SGO2: variants seen among roughly 807,000 people sequenced by gnomAD.
SGO2 encodes the protein shugoshin-like 2.
SGO2 carries 68 observed loss-of-function variants against 99.5 expected under a neutral mutation model. The observed-to-expected ratio is 0.68, with a 90% CI of 0.56 to 0.84. SGO2 has a LOEUF of 0.84. Among genes scored for constraint, SGO2 ranks in the 40% least tolerant of loss-of-function variants. The probability of loss-of-function intolerance (pLI) is 0.00; values close to 1 mark genes in which losing one functional copy is unlikely to be tolerated. For synonymous variants in SGO2, 457 were observed against 487.1 expected (o/e 0.94, Z 0.81); for missense variants, 1,350 against 1,436.7 (o/e 0.94, Z 0.97).
chr2:200,542,622 G>A lies in SGO2; in HGVS notation c.431G>A (p.Arg144Gln), dbSNP rs780168754. ...CTACTGTCAGCTAGCAAGAAGAAAC[G>A]AATTAGTAAACAGTGCAAGTTGATG... ...SFLLSASKKK[R>Q]ISKQCKLMRL... Residue 144 changes from arginine (R) to glutamine (Q), a missense_variant, in exon 5 of 9, where the codon CGA (arginine) becomes CAA (glutamine). Arg to Gln is a conservative substitution (Grantham distance 43). Transcript: ENST00000357799. 10 of 1,612,656 alleles carry A rather than the reference G, an allele frequency of 6.2e-6. No individual in the cohort carries two copies. In the Admixed American group the frequency reaches 1.2e-4, roughly 19 times the overall value.
Position 200,570,998 on chromosome 2 carries a change from A to C in SGO2, c.704-52A>C, listed in dbSNP as rs1475407706. 2 of 1,479,850 alleles carry C rather than the reference A, an allele frequency of 1.4e-6. No homozygotes were observed. The highest frequency in any genetic ancestry group is 1.4e-5 in the African/African-American group (1 of 70,674). The allele number at this position is 1,479,850 out of a possible 1,614,324, so 91.7% of individuals were successfully genotyped here. A position where few individuals can be genotyped will look rare whatever the true frequency, so the allele number is the denominator to read the frequency against. ...TTTCGAATCTAATTTGTTTAAGGTA[A>C]CTTATTTATTTCATTACTTGTTTCT... On this transcript the variant is annotated intron_variant, in intron 6 of 8. Transcript: ENST00000357799. The surrounding 1 kb of genome is among the most constrained non-coding windows in gnomAD (Gnocchi z 4.4).
rs375565367 is a variant in SGO2, at chr2:200,572,134, C to T, written c.1788C>T (p.Val596=). 1 of 1,612,618 alleles carries T rather than the reference C, an allele frequency of 6.2e-7. No homozygotes were observed. Among genetic ancestry groups the T allele is most frequent in the Non-Finnish European group, 8.5e-7 (1 of 1,179,382 alleles). ...THNILDLKKY[V]TDIQPSEQNE... ...ATATATTGGATTTGAAAAAGTATGTCACTGATATTCAACCCTCAGAGCAAA... is the reference window on the plus strand; with the variant it reads ...ATATATTGGATTTGAAAAAGTATGTTACTGATATTCAACCCTCAGAGCAAA... The change falls in exon 7 of 9, where the codon GTC becomes GTT. Residue 596 remains valine (V), a synonymous_variant. Coordinates refer to ENST00000357799, the MANE Select transcript of SGO2 (RefSeq NM_152524.6).
intron 5 of SGO2, among the ~76,000 whole-genome samples, chr2:200,549,383 A>G (rs148768432): frequency 6.6e-6 from 1 of 152,336 alleles, no homozygotes; most frequent in East Asian, 1.9e-4. Flanking sequence ...AAAGGAGGGA[A>G]TACTTCCAAA....
At chr2:200,531,969 C>A (rs550310732) in intron 1 of SGO2, 14 of 152,306 alleles carry the variant, frequency 9.2e-5, no homozygotes, top group African/African-American at 3.4e-4. Context: ...ATTACAAGAT[C>A]CTCAATTTAT....
In SGO2 at chr2:200,582,637, C is replaced by T. The variant is rs77601126; in HGVS notation, c.3783-812C>T. 1.9e-4 allele frequency among the ~76,000 whole-genome samples: 29 copies of T among 152,176 alleles called. 1 individual carries two copies. In the East Asian group the frequency reaches 5.6e-3, roughly 29 times the overall value. ...TAATTAGTGCATGAACTATAGTGCT[C>T]TGTTGTCTATTAGAAGCAAATATTT... On this transcript the variant is annotated intron_variant, in intron 8 of 8. Coordinates refer to ENST00000357799, the MANE Select transcript of SGO2 (RefSeq NM_152524.6).
intron 4 of SGO2, among the ~76,000 whole-genome samples, chr2:200,541,647 G>T (rs1488528890): frequency 6.6e-6 from 1 of 152,164 alleles, no homozygotes; most frequent in Non-Finnish European, 1.5e-5. Flanking sequence ...AAAAGAATAT[G>T]AAACAGGATG....
intron 1 of SGO2, chr2:200,532,274 T>TTG (rs2031433474): frequency 7.9e-6 from 2 of 254,344 alleles, no homozygotes; most frequent in African/African-American, 1.6e-4. Context: ...AGTTTTTTGT[T>TTG]TTTTTTTTTG....
At position 200,572,772 on chromosome 2, in the gene SGO2, G is replaced by A; in HGVS notation, c.2426G>A (p.Arg809Lys). ...QNDSKIGKKPRLNVCQKSEII... is the reference protein window; with the variant it reads ...QNDSKIGKKPKLNVCQKSEII... ...GATTCAAAAATAGGTAAGAAGCCTA[G>A]ACTAAATGTATGTCAAAAGTCAGAA... The change falls in exon 7 of 9, where the codon AGA becomes AAA. Residue 809 changes from arginine to lysine, a missense_variant. By Grantham distance (26) the Arg-to-Lys change is conservative (BLOSUM62 2). Coordinates refer to ENST00000357799, the MANE Select transcript of SGO2 (RefSeq NM_152524.6). 1 of 1,612,924 alleles carries A rather than the reference G, an allele frequency of 6.2e-7. No individual in the cohort carries two copies. The highest frequency in any genetic ancestry group is 8.5e-7 in the Non-Finnish European group (1 of 1,179,402).
chr2:200,577,429 T>A (rs933802622), intron 8 of SGO2, among the ~76,000 whole-genome samples: 4 of 152,358 alleles, frequency 2.6e-5, no homozygotes, highest in South Asian at 2.1e-4. Flanking sequence ...AATTTTAGAC[T>A]TATGGTAAAG....
In SGO2 at chr2:200,535,728, G is replaced by A. The variant is rs115671127; in HGVS notation, c.310-337G>A. Among the ~76,000 whole-genome samples, 436 of 152,030 alleles carry A rather than the reference G, an allele frequency of 2.9e-3. 2 individuals carry two copies. Among genetic ancestry groups the A allele is most frequent in the Middle Eastern group, 0.01 (3 of 294 alleles). On this transcript the variant is annotated intron_variant, in intron 3 of 8. Coordinates refer to ENST00000357799, the MANE Select transcript of SGO2 (RefSeq NM_152524.6). Reference sequence around the variant, plus strand: ...CTACTCTACTTGTGGGTTTAATTCCGGTGGCTGACAAACTGTTCTCTTGCC... The same window carrying A: ...CTACTCTACTTGTGGGTTTAATTCCAGTGGCTGACAAACTGTTCTCTTGCC...
chr2:200,561,026 T>G (rs892710650), intron 5 of SGO2, among the ~76,000 whole-genome samples: 1 of 152,194 alleles, frequency 6.6e-6, no homozygotes. Flanking sequence ...TAAAGTTACT[T>G]ATACTATGCT....
At chr2:200,564,880 C>A (rs1188453795) in intron 5 of SGO2, among the ~76,000 whole-genome samples, 1 of 152,158 alleles carries the variant, frequency 6.6e-6, no homozygotes, top group African/African-American at 2.4e-5. Context: ...ACTAGGATTG[C>A]AACCCCTGCC....
upstream of SGO2, chr2:200,526,185 C>G (rs1011863507): frequency 5.9e-5 from 9 of 152,420 alleles, no homozygotes; most frequent in Non-Finnish European, 1.2e-4. This position sits in a 1 kb window ranked among gnomAD's most constrained non-coding sequence, Gnocchi z 4.8. Flanking sequence ...CGTTTAAACC[C>G]AAGCCGCAGC....
At chr2:200,574,606 A>G (rs771965871) in intron 7 of SGO2, among the ~76,000 whole-genome samples, 7 of 152,060 alleles carry the variant, frequency 4.6e-5, no homozygotes, top group Admixed American at 3.3e-4. Context: ...TAGGCCCTAA[A>G]GGATAAGTAA....
Position 200,572,520 on chromosome 2 carries a change from A to C in SGO2, c.2174A>C (p.Glu725Ala). Residue 725 changes from glutamate (E) to alanine (A), a missense_variant, in exon 7 of 9, where the codon GAA becomes GCA. Physicochemically the swap from Glu to Ala is moderately radical, Grantham distance 107 (BLOSUM62 -1). Coordinates refer to ENST00000357799, the MANE Select transcript of SGO2 (RefSeq NM_152524.6). ...AATCGGAAGACAGAAATAATTTCTG[A>C]AGTGAATCATTTAGATAATGACAAA... The part of the protein sequence containing the change: ...KVNRKTEIIS[E>A]VNHLDNDKSI... The C allele has an allele frequency of 6.2e-7, 1 of 1,612,354 alleles. No individual in the cohort carries two copies. The highest frequency in any genetic ancestry group is 1.3e-5 in the African/African-American group (1 of 74,950).
chr2:200,561,720 G>A (rs1010820299), intron 5 of SGO2, among the ~76,000 whole-genome samples: 1 of 151,974 alleles, frequency 6.6e-6, no homozygotes, highest in Non-Finnish European at 1.5e-5. Flanking sequence ...TCCAGCACCT[G>A]TTGTTTCCTG....
At chr2:200,533,952 G>A in intron 2 of SGO2, among the ~76,000 whole-genome samples, 1 of 152,076 alleles carries the variant, frequency 6.6e-6, no homozygotes, top group South Asian at 2.1e-4. Flanking sequence ...ACTTTGAGGA[G>A]TACAACAGGA....
chr2:200,560,184 A>C (rs1362449993), intron 5 of SGO2, among the ~76,000 whole-genome samples: 2 of 151,986 alleles, frequency 1.3e-5, no homozygotes, highest in Non-Finnish European at 2.9e-5. Flanking sequence ...TAGTTTTGTC[A>C]ATTTTTGCTA....
At chr2:200,566,786 C>G (rs905063443) in intron 5 of SGO2, among the ~76,000 whole-genome samples, 1 of 152,248 alleles carries the variant, frequency 6.6e-6, no homozygotes, top group African/African-American at 2.4e-5. Flanking sequence ...CCCGTCCCCC[C>G]AGCCTGGCTG....
Sources: allele counts gnomAD v4.1 joint callset (sites outside exome capture counted in the v4.1 genomes callset), GRCh38; gene constraint gnomAD v4.1.1; non-coding constraint Gnocchi (gnomAD v3.1); transcripts MANE v1.5; gene names NCBI Gene and HGNC (gene_info 2026-07-23, HGNC 2026-07-21).